The following PTPRZ1 variants were observed in gnomAD, a reference collection of about 807,000 sequenced individuals.
The protein encoded by PTPRZ1 is protein tyrosine phosphatase receptor type Z1.
In PTPRZ1, 82 loss-of-function variants were observed where a neutral mutation model predicts 214.1. The observed-to-expected ratio is 0.38, with a 90% CI of 0.32 to 0.46. The LOEUF is 0.46. PTPRZ1 is among the 20% of genes least tolerant of loss of function. The pLI, the probability that PTPRZ1 is intolerant of heterozygous loss-of-function variation, is 1.00. For missense variants in PTPRZ1, 2,603 were observed against 2,748.7 expected (o/e 0.95, Z 1.19); for synonymous variants, 945 against 987.9 (o/e 0.96, Z 0.81).
chr7:121,919,511 GTTTC>G (rs1795527871), intron 1 of PTPRZ1, among the ~76,000 whole-genome samples: 1 of 151,908 alleles, frequency 6.6e-6, no homozygotes, highest in African/African-American at 2.4e-5. Context: ...AGCTATAAAT[GTTTC>G]TTCATAATAT....
intron 2 of PTPRZ1, among the ~76,000 whole-genome samples, chr7:121,940,102 G>C (rs1796199439): frequency 6.6e-6 from 1 of 152,084 alleles, no homozygotes. Context: ...GCTTCTTGGG[G>C]CCCACTGAAT....
chr7:121,936,295 C>CA (rs1407449290), intron 2 of PTPRZ1, among the ~76,000 whole-genome samples: 1 of 152,124 alleles, frequency 6.6e-6, no homozygotes, highest in African/African-American at 2.4e-5. Context: ...CACAGAATCA[C>CA]AAAAATTATT....
At chr7:121,969,785 T>A (rs999815197) in intron 3 of PTPRZ1, among the ~76,000 whole-genome samples, 1 of 151,768 alleles carries the variant, frequency 6.6e-6, no homozygotes, top group South Asian at 2.1e-4. Context: ...TTGGTTTTTT[T>A]ATTTTTATTC....
intron 1 of PTPRZ1, among the ~76,000 whole-genome samples, chr7:121,877,715 A>G (rs1332687228): frequency 1.3e-5 from 2 of 152,214 alleles, no homozygotes. Context: ...CAATCCCACA[A>G]TGAAAACTTT....
At chr7:122,008,531 A>G (rs1021110129) in intron 11 of PTPRZ1, among the ~76,000 whole-genome samples, 1 of 152,134 alleles carries the variant, frequency 6.6e-6, no homozygotes, top group Non-Finnish European at 1.5e-5. Flanking sequence ...CTCTTTAGTT[A>G]TAACAGGACA....
intron 2 of PTPRZ1, among the ~76,000 whole-genome samples, chr7:121,960,923 A>G (rs1796856302): frequency 1.3e-5 from 2 of 151,752 alleles, no homozygotes; most frequent in Non-Finnish European, 2.9e-5. Context: ...GGTGCTAACT[A>G]CGGTTATCTC....
chr7:121,981,439 A>G (rs1374085081), intron 6 of PTPRZ1, among the ~76,000 whole-genome samples: 1 of 152,188 alleles, frequency 6.6e-6, no homozygotes, highest in Non-Finnish European at 1.5e-5. Context: ...CTATTTCTTA[A>G]TGGCCTTAAT....
At chr7:121,911,352 T>A (rs1795271239) in intron 1 of PTPRZ1, among the ~76,000 whole-genome samples, 1 of 152,126 alleles carries the variant, frequency 6.6e-6, no homozygotes, top group Non-Finnish European at 1.5e-5. Context: ...CATATCTTCA[T>A]TTTGACTGTA....
At chr7:121,985,362 A>G (rs1797736489) in intron 8 of PTPRZ1, among the ~76,000 whole-genome samples, 1 of 152,142 alleles carries the variant, frequency 6.6e-6, no homozygotes, top group Non-Finnish European at 1.5e-5. Context: ...TTTTTGTCAC[A>G]CAGTTTTATC....
intron 2 of PTPRZ1, among the ~76,000 whole-genome samples, chr7:121,936,245 A>G (rs750237000): frequency 6.6e-6 from 1 of 152,230 alleles, no homozygotes; most frequent in Non-Finnish European, 1.5e-5. Context: ...TATTATTCAG[A>G]CAAATTTTTA....
Position 122,012,611 on chromosome 7 carries a change from T to C in PTPRZ1, c.3565T>C (p.Ser1189Pro). The C allele has an allele frequency of 2.5e-6, 4 of 1,613,858 alleles. No individual in the cohort carries two copies. Among genetic ancestry groups the C allele is most frequent in the Non-Finnish European group, 3.4e-6 (4 of 1,179,766 alleles). ...ATTGCTACAACCTTCCTTTCAGGCT[T>C]CTGATGTTGACACCTTGCTTAAAAC... ...EVLLQPSFQASDVDTLLKTVL... is the reference protein window; with the variant it reads ...EVLLQPSFQAPDVDTLLKTVL... Residue 1189 changes from serine (S) to proline (P), a missense_variant, in exon 12 of 30, where the codon TCT (serine) becomes CCT (proline). Ser to Pro is a moderately conservative substitution (Grantham distance 74). This residue lies in a region of PTPRZ1 where 1,913 missense variants were observed against 1,914.3 expected (regional missense o/e 1.00). Transcript: ENST00000393386.
intron 1 of PTPRZ1, among the ~76,000 whole-genome samples, chr7:121,898,375 T>TA (rs1174816913): frequency 1.3e-5 from 2 of 152,178 alleles, no homozygotes; most frequent in African/African-American, 4.8e-5. Flanking sequence ...TGTTGTTGCA[T>TA]ACACTCCAGA....
chr7:121,873,365 C>G lies in PTPRZ1; in HGVS notation c.-135C>G. On this transcript the variant is annotated 5_prime_UTR_variant, in exon 1 of 30. Coordinates refer to ENST00000393386, the MANE Select transcript of PTPRZ1 (RefSeq NM_002851.3). ...ACACACACACAAACACACATACGCACGCACGATCTCACTTCGATCTATACA... is the reference window on the plus strand; with the variant it reads ...ACACACACACAAACACACATACGCAGGCACGATCTCACTTCGATCTATACA... 1.3e-6 allele frequency: 1 copy of G among 758,292 alleles called. No homozygotes were observed. Among genetic ancestry groups the G allele is most frequent in the South Asian group, 1.7e-5 (1 of 59,588 alleles). The allele number at this position is 758,292 out of a possible 1,614,324, so 47.0% of individuals were successfully genotyped here. A position where few individuals can be genotyped will look rare whatever the true frequency, so the allele number is the denominator to read the frequency against.
intron 1 of PTPRZ1, chr7:121,908,386 C>G: frequency 2.8e-6 from 1 of 353,442 alleles, no homozygotes; most frequent in Non-Finnish European, 5.4e-6. Flanking sequence ...AACTATACAT[C>G]ATCTGTATTT....
At chr7:121,943,292 A>T (rs1255784126) in intron 2 of PTPRZ1, among the ~76,000 whole-genome samples, 1 of 152,188 alleles carries the variant, frequency 6.6e-6, no homozygotes, top group African/African-American at 2.4e-5. Context: ...CAAATGAGCA[A>T]TCACAATGAT....
intron 8 of PTPRZ1, among the ~76,000 whole-genome samples, chr7:121,990,963 A>G (rs1211169317): frequency 6.6e-6 from 1 of 152,212 alleles, no homozygotes; most frequent in African/African-American, 2.4e-5. Context: ...CTGCCTTCTT[A>G]CCACCTTACA....
intron 17 of PTPRZ1, among the ~76,000 whole-genome samples, chr7:122,036,352 C>G (rs1012469428): frequency 1.3e-5 from 2 of 152,218 alleles, no homozygotes; most frequent in Non-Finnish European, 2.9e-5. Context: ...CATTGCACCT[C>G]TCACTTGACA....
intron 8 of PTPRZ1, among the ~76,000 whole-genome samples, chr7:121,987,994 G>T (rs1376168232): frequency 6.6e-6 from 1 of 152,126 alleles, no homozygotes; most frequent in African/African-American, 2.4e-5. Context: ...ATAAACATGG[G>T]AACAGTAGAC....
rs778294273 is a variant in PTPRZ1 at position 122,013,485 on chromosome 7, A to T, written c.4439A>T (p.Asn1480Ile). Residue 1480 changes from asparagine to isoleucine, a missense_variant, in exon 12 of 30, where the codon AAT (asparagine) becomes ATT (isoleucine). Asn to Ile is a moderately radical substitution (Grantham distance 149, BLOSUM62 -3). Coordinates refer to ENST00000393386, the MANE Select transcript of PTPRZ1 (RefSeq NM_002851.3). ...CCAATCTCATACTCACTATCTGAGAATTCTGAAGAAGATAATAGAGTCACA... is the reference window on the plus strand; with the variant it reads ...CCAATCTCATACTCACTATCTGAGATTTCTGAAGAAGATAATAGAGTCACA... ...NNPISYSLSE[N>I]SEEDNRVTSV... The T allele has an allele frequency of 6.2e-7, 1 of 1,614,156 alleles. No homozygotes were observed. The highest frequency in any genetic ancestry group is 1.7e-5 in the Admixed American group (1 of 60,030).
Sources: gnomAD v4.1 joint callset for allele counts (sites outside exome capture counted in the v4.1 genomes callset) on GRCh38, gnomAD v4.1.1 for gene constraint, gnomAD v4.1.1 regional missense constraint, MANE v1.5 for transcripts, NCBI Gene and HGNC (gene_info 2026-07-23, HGNC 2026-07-21) for gene names.